The following NAALADL2 variants were observed in gnomAD, a reference collection of about 807,000 sequenced individuals.
NAALADL2 encodes the protein N-acetylated alpha-linked acidic dipeptidase like 2.
NAALADL2 carries 76 observed loss-of-function variants against 87.2 expected under a neutral mutation model. The ratio of observed to expected loss-of-function variants is 0.87; its 90% CI spans 0.72 to 1.05. The LOEUF is 1.05. NAALADL2 is among the 50% of genes least tolerant of loss of function. NAALADL2 has a pLI of 0.00. For missense variants in NAALADL2, 1,089 were observed against 945.8 expected (o/e 1.15, Z -1.99); for synonymous variants, 354 against 331.0 (o/e 1.07, Z -0.75).
rs60695351 is a variant in NAALADL2 at position 175,499,486 on chromosome 3, A to ATT, written c.1653+27737_1653+27738dup. On this transcript the variant is annotated intron_variant, in intron 9 of 13. Transcript: ENST00000454872. The stretch of plus-strand genomic sequence containing the variant: ...GGGTACAAAATGTTAAACCTAAGGA[A>ATT]TTTTTTTTTTCTGAGCTCTAGTCTT... 4.6e-3 allele frequency among the ~76,000 whole-genome samples: 689 copies of ATT among 150,062 alleles called. 9 individuals carry two copies. The highest frequency in any genetic ancestry group is 0.016 in the African/African-American group (656 of 41,010).
chr3:174,696,669 C>T (rs1729050723), intron 2 of NAALADL2, among the ~76,000 whole-genome samples: 2 of 145,982 alleles, frequency 1.4e-5, no homozygotes, highest in Non-Finnish European at 3.0e-5. Context: ...TTTTCCATTA[C>T]TGATCTAGGA....
At chr3:175,281,118 A>AT (rs1560284856) in intron 4 of NAALADL2, among the ~76,000 whole-genome samples, 19 of 150,158 alleles carry the variant, frequency 1.3e-4, no homozygotes, top group African/African-American at 4.6e-4. Context: ...AACTTAAAAA[A>AT]AATATATATA....
At chr3:174,517,921 T>G (rs1337077713) in intron 1 of NAALADL2, among the ~76,000 whole-genome samples, 1 of 152,136 alleles carries the variant, frequency 6.6e-6, no homozygotes, top group Non-Finnish European at 1.5e-5. Flanking sequence ...TACATATTCT[T>G]TTATACACAA....
At chr3:175,801,097 A>G (rs1356470440) in intron 13 of NAALADL2, among the ~76,000 whole-genome samples, 8 of 152,148 alleles carry the variant, frequency 5.3e-5, no homozygotes, top group South Asian at 2.1e-4. Flanking sequence ...TGCTGGTGCT[A>G]GAGAAAAGTA....
intron 2 of NAALADL2, among the ~76,000 whole-genome samples, chr3:174,616,381 G>T (rs1578328468): frequency 6.6e-6 from 1 of 151,906 alleles, no homozygotes; most frequent in Non-Finnish European, 1.5e-5. Context: ...GTAATTTTAG[G>T]TTGTTATTTA....
chr3:175,247,766 A>C (rs1748256844), intron 3 of NAALADL2, among the ~76,000 whole-genome samples: 1 of 152,234 alleles, frequency 6.6e-6, no homozygotes. Flanking sequence ...GCAACTGCAC[A>C]GGTCACAAAC....
rs113022824 is a variant in NAALADL2, at chr3:175,353,108, A to ATGTG, written c.1090+28811_1090+28814dup. Among the ~76,000 whole-genome samples the ATGTG allele has an allele frequency of 6.0e-3, 865 of 144,940 alleles. 4 individuals carry two copies. Among genetic ancestry groups the ATGTG allele is most frequent in the Middle Eastern group, 0.018 (5 of 276 alleles). ...TTTATTCAAATATCCATTTAATAAAATGTGTGTGTGTGTGTGTGTGTGTGT... is the reference window on the plus strand; with the variant it reads ...TTTATTCAAATATCCATTTAATAAAATGTGTGTGTGTGTGTGTGTGTGTGTGTGT... On this transcript the variant is annotated intron_variant, in intron 5 of 13. Transcript: ENST00000454872.
chr3:175,552,175 AAG>A (rs1714515840), intron 9 of NAALADL2, among the ~76,000 whole-genome samples: 1 of 151,934 alleles, frequency 6.6e-6, no homozygotes, highest in East Asian at 1.9e-4. Context: ...ATGTCTAAGT[AAG>A]CATCAAAATG....
chr3:175,530,788 G>A (rs947277764), intron 9 of NAALADL2, among the ~76,000 whole-genome samples: 5 of 152,178 alleles, frequency 3.3e-5, no homozygotes, highest in African/African-American at 1.2e-4. Flanking sequence ...TTTGATGATG[G>A]AATTCTACTG....
chr3:175,248,431 T>C (rs1441896791), intron 3 of NAALADL2, among the ~76,000 whole-genome samples: 1 of 152,176 alleles, frequency 6.6e-6, no homozygotes, highest in Non-Finnish European at 1.5e-5. Flanking sequence ...GAAAACAAGT[T>C]TATGTATCGA....
intron 2 of NAALADL2, among the ~76,000 whole-genome samples, chr3:175,181,747 A>ATATATATGTGTGTATATATGTG (rs1560129080): frequency 2.8e-4 from 9 of 31,600 alleles, no homozygotes; most frequent in African/African-American, 8.3e-4. Flanking sequence ...GTATATATGT[A>ATATATATGTGTGTATATATGTG]TATATATGTG....
intron 13 of NAALADL2, among the ~76,000 whole-genome samples, chr3:175,772,660 T>C (rs1193543029): frequency 6.6e-6 from 1 of 152,182 alleles, no homozygotes; most frequent in Non-Finnish European, 1.5e-5. Flanking sequence ...GTTCCGTCTT[T>C]GATCTCAGAG....
At chr3:174,954,387 G>T (rs1166369200) in intron 1 of NAALADL2, among the ~76,000 whole-genome samples, 1 of 152,070 alleles carries the variant, frequency 6.6e-6, no homozygotes, top group Non-Finnish European at 1.5e-5. Flanking sequence ...TGCATTGAGG[G>T]TGCATTATAC....
intron 11 of NAALADL2, among the ~76,000 whole-genome samples, chr3:175,729,597 C>T (rs1343949512): frequency 6.6e-6 from 1 of 152,174 alleles, no homozygotes; most frequent in Non-Finnish European, 1.5e-5. Context: ...CCAGCTGTTT[C>T]TGTACCTCAC....
At chr3:175,489,997 T>C (rs62287075) in intron 9 of NAALADL2, among the ~76,000 whole-genome samples, 14,902 of 152,154 alleles carry the variant, frequency 0.098, 799 homozygotes, top group South Asian at 0.12. Context: ...ATGATATGGG[T>C]AGATTGTCCT....
chr3:175,611,903 T>C (rs540798086), intron 10 of NAALADL2, among the ~76,000 whole-genome samples: 2 of 152,288 alleles, frequency 1.3e-5, no homozygotes, highest in South Asian at 4.1e-4. Context: ...GAATTTTTGC[T>C]TTAGTGAATT....
chr3:175,727,391 G>A (rs1036101898), intron 11 of NAALADL2, among the ~76,000 whole-genome samples: 4 of 152,152 alleles, frequency 2.6e-5, no homozygotes, highest in Admixed American at 6.6e-5. Context: ...ATGTTCACAC[G>A]TAGTTTCTTT....
chr3:174,647,891 T>G (rs1303334548), intron 2 of NAALADL2, among the ~76,000 whole-genome samples: 6 of 152,114 alleles, frequency 3.9e-5, no homozygotes, highest in Admixed American at 3.3e-4. Context: ...TCCAAAACAT[T>G]CTAGAAGGCA....
Position 175,595,441 on chromosome 3 carries a change from A to C in NAALADL2, c.1800+19254A>C, listed in dbSNP as rs912987654. 2.0e-5 allele frequency among the ~76,000 whole-genome samples: 3 copies of C among 151,814 alleles called. No homozygotes were observed. The South Asian group carries it at 6.2e-4, about 32-fold the overall frequency. ...GAAGTTGGATAGGAAAATAAGTCAAAATATCTCTCTTAGCTGATGATGATT... is the reference window on the plus strand; with the variant it reads ...GAAGTTGGATAGGAAAATAAGTCAACATATCTCTCTTAGCTGATGATGATT... On this transcript the variant is annotated intron_variant, in intron 10 of 13. Coordinates refer to ENST00000454872, the MANE Select transcript of NAALADL2 (RefSeq NM_207015.3).
Sources: allele counts gnomAD v4.1 joint callset (sites outside exome capture counted in the v4.1 genomes callset), GRCh38; gene constraint gnomAD v4.1.1; transcripts MANE v1.5; gene names NCBI Gene and HGNC (gene_info 2026-07-23, HGNC 2026-07-21).